The following CCNB2 variants were observed in gnomAD, a reference collection of about 807,000 sequenced individuals.
CCNB2 encodes the protein G2/mitotic-specific cyclin-B2.
In CCNB2, 39 loss-of-function variants were observed where a neutral mutation model predicts 51.1. That is an observed-to-expected ratio of 0.76 (90% CI 0.59 to 1.00). The LOEUF is 1.00. CCNB2 is among the 50% of genes least tolerant of loss of function. CCNB2 has a pLI of 0.00. For synonymous variants in CCNB2, 174 were observed against 165.5 expected (o/e 1.05, Z -0.40); for missense variants, 472 against 470.3 (o/e 1.00, Z -0.03).
chr15:59,124,940 T>C lies in CCNB2; in HGVS notation c.*63T>C. The C allele has an allele frequency of 1.0e-6, 1 of 1,004,238 alleles. No individual in the cohort carries two copies. The highest frequency in any genetic ancestry group is 1.4e-6 in the Non-Finnish European group (1 of 692,128). The allele number at this position is 1,004,238 out of a possible 1,614,324, so 62.2% of individuals were successfully genotyped here. A position where few individuals can be genotyped will look rare whatever the true frequency, so the allele number is the denominator to read the frequency against. On this transcript the variant is annotated 3_prime_UTR_variant, in exon 9 of 9. Transcript: ENST00000288207. ...CCTTTTTCTTATTGGTTTAGAACTC[T>C]TGATTTTGTACATAGTCCTCTGGTC...
chr15:59,124,761 C>T lies in CCNB2; in HGVS notation c.1087-6C>T. 4 of 1,606,758 alleles carry T rather than the reference C, an allele frequency of 2.5e-6. No homozygotes were observed. Among genetic ancestry groups the T allele is most frequent in the Non-Finnish European group, 3.4e-6 (4 of 1,173,380 alleles). On this transcript the variant is annotated splice_region_variant and splice_polypyrimidine_tract_variant and intron_variant, in intron 8 of 8. Transcript: ENST00000288207. ...ACATGTGCTTAATCACAAATGACTT[C>T]TGCAGGCCATCAAGAATAAGTATGC...
chr15:59,105,395 T>C, intron 1 of CCNB2, 103 bp downstream of exon 1: 1 of 1,293,684 alleles, frequency 7.7e-7, no homozygotes, highest in South Asian at 1.3e-5. Flanking sequence ...CAACCGGGGC[T>C]GCTTTTCTCT....
Position 59,105,286 on chromosome 15 carries a change from C to A in CCNB2, c.18C>A (p.Arg6=). Residue 6 remains arginine (R), a synonymous_variant, in exon 1 of 9, where the codon CGC becomes CGA. Transcript: ENST00000288207. Reference sequence around the variant, plus strand: ...CGTCCCTCATGGCGCTGCTCCGACGCCCGACGGTGAGTGTGCCCGGGGACC... The same window carrying A: ...CGTCCCTCATGGCGCTGCTCCGACGACCGACGGTGAGTGTGCCCGGGGACC... The part of the protein sequence containing the change: MALLR[R]PTVSSDLENI... 1 of 1,565,238 alleles carries A rather than the reference C, an allele frequency of 6.4e-7. No individual in the cohort carries two copies. Among genetic ancestry groups the A allele is most frequent in the Admixed American group, 1.8e-5 (1 of 54,428 alleles).
At chr15:59,117,448 A>C in intron 7 of CCNB2, 80 bp downstream of exon 7, 1 of 1,398,938 alleles carries the variant, frequency 7.1e-7, no homozygotes, top group Non-Finnish European at 9.9e-7. Flanking sequence ...CATTTTTACA[A>C]CACTATCCTT....
chr15:59,117,204 C>A (rs777529737), intron 6 of CCNB2, 24 bp from the exon 7 acceptor site: 17 of 1,606,786 alleles, frequency 1.1e-5, no homozygotes, highest in Non-Finnish European at 1.4e-5. Flanking sequence ...GTGATTCTTA[C>A]TATCCCTTGC....
At chr15:59,122,024 G>A (rs548101019) in intron 7 of CCNB2, among the ~76,000 whole-genome samples, 1 of 148,500 alleles carries the variant, frequency 6.7e-6, no homozygotes, top group East Asian at 2.0e-4. Context: ...AGGTTGAGGT[G>A]GGAGGATCAC....
chr15:59,121,306 A>G (rs2079301010), intron 7 of CCNB2: 1 of 152,168 alleles, frequency 6.6e-6, no homozygotes, highest in African/African-American at 2.4e-5. Context: ...GTAGATTTGG[A>G]ATTTTTTGAA....
chr15:59,122,342 G>A (rs541676407), intron 7 of CCNB2, among the ~76,000 whole-genome samples: 7 of 134,438 alleles, frequency 5.2e-5, no homozygotes, highest in Non-Finnish European at 7.7e-5. Flanking sequence ...TCTGCCTCCC[G>A]GGTTCCAGCG....
chr15:59,110,677 CT>C (rs1177263563), intron 3 of CCNB2, among the ~76,000 whole-genome samples: 1 of 152,138 alleles, frequency 6.6e-6, no homozygotes, highest in Non-Finnish European at 1.5e-5. Context: ...TTATACTATC[CT>C]TTTTGCAAAA....
At chr15:59,121,206 CAGAGAG>C (rs1354361483) in intron 7 of CCNB2, 4 of 152,100 alleles carry the variant, frequency 2.6e-5, no homozygotes, top group Non-Finnish European at 1.5e-5. Flanking sequence ...TGAGTATACA[CAGAGAG>C]GGAGAGGAGG....
At chr15:59,119,045 T>G (rs757262377) in intron 7 of CCNB2, among the ~76,000 whole-genome samples, 1 of 152,216 alleles carries the variant, frequency 6.6e-6, no homozygotes, top group Non-Finnish European at 1.5e-5. Context: ...ACTATGGGGT[T>G]CTTTGGGAAT....
chr15:59,122,600 C>T (rs1282918188), intron 7 of CCNB2, among the ~76,000 whole-genome samples: 2 of 145,358 alleles, frequency 1.4e-5, no homozygotes, highest in Non-Finnish European at 3.0e-5. Flanking sequence ...AGTGCAATGG[C>T]GTTAATATCG....
chr15:59,123,735 CATGTG>C, intron 8 of CCNB2, 108 bp downstream of exon 8: 1 of 640,032 alleles, frequency 1.6e-6, no homozygotes, highest in Non-Finnish European at 2.8e-6. Context: ...ATATTAATAA[CATGTG>C]GGAGTTTTAG....
At chr15:59,112,878 C>CA (rs1285256554) in intron 3 of CCNB2, among the ~76,000 whole-genome samples, 1 of 151,446 alleles carries the variant, frequency 6.6e-6, no homozygotes, top group Non-Finnish European at 1.5e-5. Context: ...ACTAAAAATA[C>CA]AAAAAATTAG....
chr15:59,116,643 C>T (rs778267846), intron 5 of CCNB2, 47 bp from the exon 6 acceptor site: 2 of 1,326,918 alleles, frequency 1.5e-6, no homozygotes, highest in Non-Finnish European at 2.1e-6. Context: ...CCTAAAGCTT[C>T]ACTCTTCTTG....
intron 3 of CCNB2, among the ~76,000 whole-genome samples, chr15:59,113,869 T>C (rs1260785727): frequency 6.6e-6 from 1 of 152,152 alleles, no homozygotes; most frequent in Non-Finnish European, 1.5e-5. Flanking sequence ...CCAGCTAGTT[T>C]TTGTATTTTT....
rs770697460 is a variant in CCNB2 at position 59,107,695 on chromosome 15, G to A, written c.267+25G>A. 60 of 1,579,412 alleles carry A rather than the reference G, an allele frequency of 3.8e-5. No homozygotes were observed. In the South Asian group the frequency reaches 5.0e-4, roughly 13 times the overall value. ...GGTAGGAAGTTCTGAATTTACAAAC[G>A]TATTTAATGAGGTAGCCTGTTTTTA... On this transcript the variant is annotated intron_variant, in intron 3 of 8. Transcript: ENST00000288207.
chr15:59,118,603 G>A (rs1437134069), intron 7 of CCNB2, among the ~76,000 whole-genome samples: 1 of 152,242 alleles, frequency 6.6e-6, no homozygotes, highest in East Asian at 1.9e-4. Flanking sequence ...AGAATCACTT[G>A]AACCCGGAAG....
intron 3 of CCNB2, among the ~76,000 whole-genome samples, chr15:59,108,413 C>A (rs1260838994): frequency 2.0e-5 from 3 of 152,124 alleles, no homozygotes; most frequent in Non-Finnish European, 2.9e-5. Flanking sequence ...GGAGGTATTG[C>A]ACTTATCCAA....
Sources: gnomAD v4.1 joint callset for allele counts (sites outside exome capture counted in the v4.1 genomes callset) on GRCh38, gnomAD v4.1.1 for gene constraint, MANE v1.5 for transcripts, NCBI Gene and HGNC (gene_info 2026-07-23, HGNC 2026-07-21) for gene names.